The following RORA variants were observed in gnomAD, a reference collection of about 807,000 sequenced individuals.
RORA encodes the protein nuclear receptor ROR-alpha.
In RORA, 7 loss-of-function variants were observed where a neutral mutation model predicts 69.5. The ratio of observed to expected loss-of-function variants is 0.10; its 90% CI spans 0.06 to 0.19. The LOEUF (loss-of-function observed/expected upper bound fraction) is 0.19, where lower values mean the gene tolerates loss of function less well. RORA is among the 10% of genes least tolerant of loss of function. The pLI is 1.00. For missense variants in RORA, 457 were observed against 663.0 expected (o/e 0.69, Z 3.41); for synonymous variants, 261 against 240.8 (o/e 1.08, Z -0.78).
intron 1 of RORA, among the ~76,000 whole-genome samples, chr15:61,155,684 T>A (rs931710968): frequency 2.4e-4 from 36 of 152,202 alleles, no homozygotes; most frequent in African/African-American, 8.2e-4. Context: ...AAATTCTGTC[T>A]CATCTTCAGC....
At chr15:60,661,550 CCATGGAAA>C (rs2070304481) in intron 2 of RORA, among the ~76,000 whole-genome samples, 1 of 152,138 alleles carries the variant, frequency 6.6e-6, no homozygotes, top group Non-Finnish European at 1.5e-5. Context: ...GCTGTTGGAA[CCATGGAAA>C]CTTTGAGACC....
At chr15:61,003,803 T>A (rs1894821906) in intron 1 of RORA, among the ~76,000 whole-genome samples, 1 of 152,094 alleles carries the variant, frequency 6.6e-6, no homozygotes, top group African/African-American at 2.4e-5. Flanking sequence ...AAGGTACAGA[T>A]AATAGCTGTG....
At chr15:61,115,720 C>T (rs1465984628) in intron 1 of RORA, among the ~76,000 whole-genome samples, 3 of 152,124 alleles carry the variant, frequency 2.0e-5, no homozygotes, top group Admixed American at 6.5e-5. Flanking sequence ...TCCATTTCAG[C>T]ATCACAATTT....
chr15:61,136,833 T>C (rs1012739101), intron 1 of RORA, among the ~76,000 whole-genome samples: 2 of 152,134 alleles, frequency 1.3e-5, no homozygotes, highest in East Asian at 1.9e-4. Context: ...CTAACATTTA[T>C]GGTCTTAAAA....
intron 2 of RORA, among the ~76,000 whole-genome samples, chr15:60,596,687 G>A (rs1267187591): frequency 6.6e-6 from 1 of 152,154 alleles, no homozygotes; most frequent in Non-Finnish European, 1.5e-5. Context: ...GTAAGACAAG[G>A]AACTCTGCTG....
At chr15:61,040,103 C>A (rs1896669449) in intron 1 of RORA, among the ~76,000 whole-genome samples, 1 of 108,114 alleles carries the variant, frequency 9.2e-6, no homozygotes, top group Non-Finnish European at 1.8e-5. Context: ...TGGCTATGAT[C>A]ACAAGCTTTG....
chr15:60,514,826 T>C, intron 3 of RORA, 69 bp from the exon 4 acceptor site: 1 of 1,192,322 alleles, frequency 8.4e-7, no homozygotes, highest in Middle Eastern at 2.3e-4. Flanking sequence ...AAAGGCAGGA[T>C]GCTAAGCACT....
chr15:60,499,467 G>GTTCA (rs1390141114), intron 10 of RORA, among the ~76,000 whole-genome samples: 1 of 152,204 alleles, frequency 6.6e-6, no homozygotes, highest in East Asian at 1.9e-4. Context: ...GAGCCCAGAA[G>GTTCA]TTCAGGGTTG....
At chr15:60,697,726 A>C (rs1385799572) in intron 1 of RORA, among the ~76,000 whole-genome samples, 1 of 152,118 alleles carries the variant, frequency 6.6e-6, no homozygotes, top group African/African-American at 2.4e-5. Context: ...AAGAGACGTA[A>C]ATTTCTAATT....
At chr15:60,812,274 T>C (rs79463563) in intron 1 of RORA, among the ~76,000 whole-genome samples, 9,624 of 152,112 alleles carry the variant, frequency 0.063, 386 homozygotes, top group Admixed American at 0.092. Flanking sequence ...GAGGATGAGG[T>C]GGGAGGAATG....
At chr15:61,214,485 C>A (rs546174446) in intron 1 of RORA, among the ~76,000 whole-genome samples, 2 of 152,120 alleles carry the variant, frequency 1.3e-5, no homozygotes, top group Non-Finnish European at 2.9e-5. Context: ...ATTATATATA[C>A]GAAAGTTAAA....
chr15:60,616,256 C>G (rs2069240550), intron 2 of RORA, among the ~76,000 whole-genome samples: 2 of 152,098 alleles, frequency 1.3e-5, no homozygotes, highest in African/African-American at 4.8e-5. Flanking sequence ...AAGTGTTGAT[C>G]AAATCCCATA....
At chr15:60,850,171 G>A (rs528172861) in intron 1 of RORA, among the ~76,000 whole-genome samples, 1 of 152,278 alleles carries the variant, frequency 6.6e-6, no homozygotes, top group East Asian at 1.9e-4. Context: ...CCAGGCTGAT[G>A]CCCTCACTCA....
chr15:61,109,688 ACG>A (rs1250669924), intron 1 of RORA, among the ~76,000 whole-genome samples: 67 of 152,370 alleles, frequency 4.4e-4, no homozygotes, highest in African/African-American at 1.5e-3. Context: ...GCAGAATAGT[ACG>A]CTTGTTAAAA....
intron 1 of RORA, among the ~76,000 whole-genome samples, chr15:60,924,220 T>G (rs907003059): frequency 6.6e-6 from 1 of 151,884 alleles, no homozygotes; most frequent in Admixed American, 6.6e-5. Flanking sequence ...GCAGAAGATG[T>G]GACCAATATA....
At chr15:60,728,571 C>G (rs906110921) in intron 1 of RORA, among the ~76,000 whole-genome samples, 1 of 152,132 alleles carries the variant, frequency 6.6e-6, no homozygotes, top group Non-Finnish European at 1.5e-5. Flanking sequence ...ACACAATTCA[C>G]TTATAAAGTT....
intron 1 of RORA, among the ~76,000 whole-genome samples, chr15:60,833,217 T>C (rs1315739329): frequency 6.7e-6 from 1 of 149,204 alleles, no homozygotes; most frequent in Non-Finnish European, 1.5e-5. Flanking sequence ...CTTCTTTTTT[T>C]ATTTGTATTT....
chr15:60,938,687 G>A (rs1466788699), intron 1 of RORA, among the ~76,000 whole-genome samples: 1 of 152,108 alleles, frequency 6.6e-6, no homozygotes, highest in Non-Finnish European at 1.5e-5. Context: ...GTTTGCTTGA[G>A]GCCAGGAGTC....
intron 2 of RORA, among the ~76,000 whole-genome samples, chr15:60,584,413 T>C (rs1478433291): frequency 3.3e-5 from 5 of 152,250 alleles, no homozygotes; most frequent in Non-Finnish European, 5.9e-5. Context: ...TTGTTTGGCA[T>C]GTCACAGAAA....
Sources: gnomAD v4.1 joint callset for allele counts (sites outside exome capture counted in the v4.1 genomes callset) on GRCh38, gnomAD v4.1.1 for gene constraint, MANE v1.5 for transcripts, NCBI Gene and HGNC (gene_info 2026-07-23, HGNC 2026-07-21) for gene names.